Variants in HHAT observed in about 807,000 individuals in gnomAD.
The protein encoded by HHAT is hedgehog acyltransferase, also known as protein-cysteine N-palmitoyltransferase HHAT.
Under a neutral mutation model 70.8 loss-of-function variants are expected in HHAT, and 47 were observed. The ratio of observed to expected loss-of-function variants is 0.66; its 90% CI spans 0.53 to 0.85. HHAT has a LOEUF of 0.85. Ranked by LOEUF, HHAT falls within the 40% of genes least tolerant of loss-of-function variation. The pLI is 0.00. For missense variants in HHAT, 609 were observed against 604.8 expected (o/e 1.01, Z -0.07); for synonymous variants, 228 against 247.6 (o/e 0.92, Z 0.74).
chr1:210,607,617 G>C (rs1256067557), intron 10 of HHAT, among the ~76,000 whole-genome samples: 1 of 152,118 alleles, frequency 6.6e-6, no homozygotes, highest in Non-Finnish European at 1.5e-5. Flanking sequence ...TATCACTTGG[G>C]TGTGATGGTC....
At chr1:210,656,615 C>T (rs564768152) in intron 11 of HHAT, among the ~76,000 whole-genome samples, 39 of 152,322 alleles carry the variant, frequency 2.6e-4, no homozygotes, top group South Asian at 2.3e-3. Flanking sequence ...CTCCGCTCAC[C>T]GTCAGCAGAG....
At chr1:210,426,964 G>C (rs111559478) in intron 7 of HHAT, among the ~76,000 whole-genome samples, 1,996 of 152,198 alleles carry the variant, frequency 0.013, 54 homozygotes, top group African/African-American at 0.046. Flanking sequence ...AATCCATCTG[G>C]TCCTGGGCTT....
chr1:210,598,248 A>C (rs973915348), intron 10 of HHAT, among the ~76,000 whole-genome samples: 2 of 151,698 alleles, frequency 1.3e-5, no homozygotes, highest in South Asian at 4.2e-4. Context: ...CTCAAGCAGA[A>C]GTTTGGAAGG....
At chr1:210,336,111 G>T (rs2085459040) in intron 1 of HHAT, among the ~76,000 whole-genome samples, 2 of 145,066 alleles carry the variant, frequency 1.4e-5, no homozygotes, top group Non-Finnish European at 3.0e-5. Flanking sequence ...GGCAGAAGGG[G>T]CTTCTGAGGC....
chr1:210,387,820 A>G (rs920831042), intron 4 of HHAT, among the ~76,000 whole-genome samples: 4 of 152,214 alleles, frequency 2.6e-5, no homozygotes, highest in South Asian at 2.1e-4. Flanking sequence ...AAAACTAACC[A>G]TGGAGGGTGG....
chr1:210,425,540 A>G (rs1012157266), intron 7 of HHAT, among the ~76,000 whole-genome samples: 4 of 152,106 alleles, frequency 2.6e-5, no homozygotes, highest in Admixed American at 6.6e-5. Context: ...GAAGGGGTCC[A>G]GTTTTAGTCT....
At chr1:210,420,072 G>A (rs1206116148) in intron 7 of HHAT, among the ~76,000 whole-genome samples, 1 of 152,172 alleles carries the variant, frequency 6.6e-6, no homozygotes, top group African/African-American at 2.4e-5. Flanking sequence ...AACCAGAATC[G>A]TAGAAGCCCT....
intron 9 of HHAT, among the ~76,000 whole-genome samples, chr1:210,583,947 A>ATTTTT (rs371722219): frequency 0.065 from 5,801 of 88,714 alleles, 100 homozygotes; most frequent in Non-Finnish European, 0.085. Flanking sequence ...AGTGCAGCTA[A>ATTTTT]TTTTTTTTTT....
chr1:210,404,021 G>A (rs1478453042), intron 5 of HHAT, among the ~76,000 whole-genome samples: 2 of 151,650 alleles, frequency 1.3e-5, no homozygotes, highest in African/African-American at 2.4e-5. Context: ...TAACAAAAGA[G>A]GAAAACGAAA....
intron 11 of HHAT, among the ~76,000 whole-genome samples, chr1:210,640,969 C>T (rs1672867782): frequency 6.6e-6 from 1 of 152,188 alleles, no homozygotes; most frequent in Non-Finnish European, 1.5e-5. Context: ...CTAGCTGCTG[C>T]TTCAGTGCTA....
chr1:210,581,207 T>C (rs1207021560), intron 9 of HHAT, among the ~76,000 whole-genome samples: 1 of 152,246 alleles, frequency 6.6e-6, no homozygotes, highest in Non-Finnish European at 1.5e-5. Flanking sequence ...TTTAAGTTCC[T>C]TGTAAATTCT....
At chr1:210,466,883 A>G (rs984293700) in intron 8 of HHAT, among the ~76,000 whole-genome samples, 1 of 152,180 alleles carries the variant, frequency 6.6e-6, no homozygotes, top group Non-Finnish European at 1.5e-5. Flanking sequence ...CATATAGTTG[A>G]GACCCCAGGC....
intron 6 of HHAT, among the ~76,000 whole-genome samples, chr1:210,410,142 T>G (rs1184517397): frequency 2.0e-5 from 3 of 151,762 alleles, no homozygotes; most frequent in Non-Finnish European, 4.4e-5. Context: ...AACCTCCACC[T>G]CCCGGGTTCA....
intron 1 of HHAT, among the ~76,000 whole-genome samples, chr1:210,343,549 G>T (rs1440156891): frequency 6.6e-6 from 1 of 152,158 alleles, no homozygotes; most frequent in Non-Finnish European, 1.5e-5. Context: ...TGTGGTGGTG[G>T]TGTTTCGAGG....
At chr1:210,594,167 GTTA>G (rs1662390884) in intron 10 of HHAT, among the ~76,000 whole-genome samples, 1 of 151,994 alleles carries the variant, frequency 6.6e-6, no homozygotes, top group Admixed American at 6.6e-5. Context: ...TACATTCAAT[GTTA>G]TTATTTATAC....
chr1:210,639,459 C>G (rs1488136709), intron 11 of HHAT, among the ~76,000 whole-genome samples: 1 of 152,148 alleles, frequency 6.6e-6, no homozygotes, highest in South Asian at 2.1e-4. Context: ...ATCAATCCAT[C>G]CAGTAAACAG....
At chr1:210,654,180 G>A (rs78890232) in intron 11 of HHAT, among the ~76,000 whole-genome samples, 1 of 150,916 alleles carries the variant, frequency 6.6e-6, no homozygotes, top group African/African-American at 2.4e-5. Flanking sequence ...GCAGAATAGT[G>A]TGATGGCGGA....
intron 11 of HHAT, among the ~76,000 whole-genome samples, chr1:210,647,352 G>GTACT (rs1397639619): frequency 9.8e-5 from 15 of 152,320 alleles, no homozygotes; most frequent in African/African-American, 3.6e-4. Flanking sequence ...TACTAAGAGT[G>GTACT]ATGACTTCTA....
chr1:210,480,313 A>G (rs2094374523), intron 8 of HHAT, among the ~76,000 whole-genome samples: 1 of 152,198 alleles, frequency 6.6e-6, no homozygotes, highest in African/African-American at 2.4e-5. Flanking sequence ...TGAGCCAGCA[A>G]TTAACCCATT....
Sources: gnomAD v4.1 joint callset for allele counts (sites outside exome capture counted in the v4.1 genomes callset) on GRCh38, gnomAD v4.1.1 for gene constraint, MANE v1.5 for transcripts, NCBI Gene and HGNC (gene_info 2026-07-23, HGNC 2026-07-21) for gene names.